The following RABL6 variants were observed in gnomAD, a reference collection of about 807,000 sequenced individuals.
RABL6 encodes the protein rab-like protein 6.
In RABL6, 28 loss-of-function variants were observed where a neutral mutation model predicts 72.9. That is an observed-to-expected ratio of 0.38 (90% CI 0.28 to 0.53). The LOEUF (loss-of-function observed/expected upper bound fraction) is 0.53, where lower values mean the gene tolerates loss of function less well. RABL6 is among the 20% of genes least tolerant of loss of function. RABL6 has a pLI of 0.80. For synonymous variants in RABL6, 477 were observed against 421.2 expected (o/e 1.13, Z -1.62); for missense variants, 1,029 against 1,008.4 (o/e 1.02, Z -0.28).
Position 136,840,370 on chromosome 9 carries a change from G to A in RABL6, c.2038G>A (p.Asp680Asn). 19 of 1,556,444 alleles carry A rather than the reference G, an allele frequency of 1.2e-5. No homozygotes were observed. The highest frequency in any genetic ancestry group is 1.6e-5 in the Non-Finnish European group (18 of 1,150,310). ...GAAGAGCAAACACAAGAAGAGCAAGGACAAGGAGGAGGGCAAGGAGGAGCG... is the reference window on the plus strand; with the variant it reads ...GAAGAGCAAACACAAGAAGAGCAAGAACAAGGAGGAGGGCAAGGAGGAGCG... ...KKKSKHKKSK[D>N]KEEGKEERRR... Residue 680 changes from aspartate to asparagine, a missense_variant, in exon 15 of 15, where the codon GAC becomes AAC. By Grantham distance (23) the Asp-to-Asn change is conservative. Around this residue, in one of 2 missense-constraint regions of RABL6, gnomAD observed 595 missense variants for 472.4 expected, o/e 1.26. Transcript: ENST00000311502.
intron 1 of RABL6, among the ~76,000 whole-genome samples, chr9:136,812,334 C>T (rs925316094): frequency 5.3e-5 from 8 of 151,976 alleles, no homozygotes; most frequent in East Asian, 1.9e-4. Context: ...CTGAGGTGGG[C>T]GGATTACATG....
At chr9:136,834,842 G>A (rs1848556305) in intron 7 of RABL6, among the ~76,000 whole-genome samples, 2 of 150,476 alleles carry the variant, frequency 1.3e-5, no homozygotes, top group East Asian at 2.0e-4. Flanking sequence ...AATCCCAGCT[G>A]TTAGGGAGGC....
intron 1 of RABL6, chr9:136,821,649 C>A: frequency 1.0e-6 from 1 of 988,404 alleles, no homozygotes; most frequent in African/African-American, 1.7e-5. Context: ...CGCCGCGGCC[C>A]GTCTCGGGCC....
intron 1 of RABL6, chr9:136,821,609 G>T (rs1318782301): frequency 4.1e-6 from 4 of 987,324 alleles, no homozygotes; most frequent in Non-Finnish European, 4.8e-6. Context: ...GCCGCGCCCG[G>T]GTTCCTGCCT....
Position 136,837,682 on chromosome 9 carries a change from C to T in RABL6, c.1126+20C>T. 6.4e-7 allele frequency: 1 copy of T among 1,562,908 alleles called. No homozygotes were observed. The highest frequency in any genetic ancestry group is 1.9e-5 in the Admixed American group (1 of 52,718). ...CTCCAGGTAGGCCCTGGAGCTGCCCCTCCCAAACTGGTCCCAGACCCCCAG... is the reference window on the plus strand; with the variant it reads ...CTCCAGGTAGGCCCTGGAGCTGCCCTTCCCAAACTGGTCCCAGACCCCCAG... On this transcript the variant is annotated intron_variant, in intron 9 of 14. Transcript: ENST00000311502.
At chr9:136,811,765 T>G (rs574564771) in intron 1 of RABL6, among the ~76,000 whole-genome samples, 1 of 152,208 alleles carries the variant, frequency 6.6e-6, no homozygotes, top group East Asian at 1.9e-4. Context: ...GTGCTGGGAT[T>G]ACAGGCGTGA....
chr9:136,817,772 A>G (rs1305059516), intron 1 of RABL6, among the ~76,000 whole-genome samples: 1 of 152,104 alleles, frequency 6.6e-6, no homozygotes, highest in Non-Finnish European at 1.5e-5. Context: ...GGATTTCAAA[A>G]AGCAAAGGGG....
intron 8 of RABL6, 135 bp downstream of exon 8, chr9:136,835,980 C>A: frequency 2.4e-6 from 2 of 827,174 alleles, no homozygotes; most frequent in Non-Finnish European, 1.9e-6. Context: ...CCTTTGGGCA[C>A]GGGTGGAGGA....
At chr9:136,811,784 G>A (rs1333924049) in intron 1 of RABL6, among the ~76,000 whole-genome samples, 3 of 152,204 alleles carry the variant, frequency 2.0e-5, no homozygotes, top group East Asian at 1.9e-4. Flanking sequence ...GAGCCACCGC[G>A]CCTGGCCAGA....
intron 5 of RABL6, 91 bp downstream of exon 5, chr9:136,829,575 C>G: frequency 8.6e-7 from 1 of 1,161,700 alleles, no homozygotes; most frequent in Non-Finnish European, 1.3e-6. Flanking sequence ...ATGGTTAGAG[C>G]AGCATCGTTC....
chr9:136,838,384 G>C (rs182007187), intron 10 of RABL6, among the ~76,000 whole-genome samples: 1 of 152,190 alleles, frequency 6.6e-6, no homozygotes, highest in Non-Finnish European at 1.5e-5. Flanking sequence ...AGACAGGGGC[G>C]GCTTCCTGCA....
At chr9:136,817,541 C>T (rs1411155677) in intron 1 of RABL6, among the ~76,000 whole-genome samples, 2 of 147,808 alleles carry the variant, frequency 1.4e-5, no homozygotes, top group South Asian at 2.2e-4. Flanking sequence ...GTGGGGAGGC[C>T]GACGTGGGCT....
Position 136,832,387 on chromosome 9 carries a change from T to G in RABL6, c.705+17T>G. The G allele has an allele frequency of 6.4e-7, 1 of 1,573,902 alleles. No individual in the cohort carries two copies. The highest frequency in any genetic ancestry group is 8.7e-7 in the Non-Finnish European group (1 of 1,143,582). The stretch of plus-strand genomic sequence containing the variant: ...CAGCTTCAGGTAAGCACTCACCACG[T>G]GGGGTGGAGTGGCTGCTGGTCTCTC... On this transcript the variant is annotated intron_variant, in intron 7 of 14. Transcript: ENST00000311502.
intron 5 of RABL6, among the ~76,000 whole-genome samples, chr9:136,830,145 G>A (rs535781847): frequency 2.6e-5 from 4 of 152,378 alleles, no homozygotes; most frequent in South Asian, 4.1e-4. Flanking sequence ...AGCACCAGGA[G>A]CAGCATGCCC....
chr9:136,809,632 T>A (rs1847961324), intron 1 of RABL6: 1 of 158,886 alleles, frequency 6.3e-6, no homozygotes, highest in African/African-American at 2.4e-5. Flanking sequence ...AAAAAAAAAT[T>A]TAAAAGAAAG....
At position 136,823,488 on chromosome 9, in the gene RABL6, T is replaced by C. The variant is rs115051707; in HGVS notation, c.131-37T>C. ...AAAGCTGCAGCTTGGGTTCGGTTCG[T>C]TTAATTTGCCTTTTCTTTTTCTCTT... is the stretch of plus-strand genomic sequence containing the variant. On this transcript the variant is annotated intron_variant, in intron 1 of 14. Transcript: ENST00000311502. 3,913 of 1,610,866 alleles carry C rather than the reference T, an allele frequency of 2.4e-3. 80 individuals carry two copies. In the African/African-American group the frequency reaches 0.045, roughly 19 times the overall value.
At chr9:136,814,053 C>G (rs571259781) in intron 1 of RABL6, 2 of 389,356 alleles carry the variant, frequency 5.1e-6, no homozygotes, top group South Asian at 4.4e-5. Context: ...CAAAGTCTTT[C>G]AAACCAGCGA....
chr9:136,828,617 TC>T (rs1848407580), intron 4 of RABL6, 71 bp downstream of exon 4: 1 of 1,530,506 alleles, frequency 6.5e-7, no homozygotes, highest in Non-Finnish European at 9.0e-7. Context: ...GCCCAGCGCT[TC>T]ACACGCTTTT....
In RABL6 at chr9:136,823,539, CG is replaced by C; in HGVS notation, c.149del (p.Gly50GlufsTer45). ...CCCGTCCCCAGTGAAGATAGTGATC[CG>C]GGGAGACAGGAACACGGGCAAGACA... ...GVQYNMKIVI[R>X]GDRNTGKTAL... On this transcript the variant is annotated frameshift_variant, in exon 2 of 15. Coordinates refer to ENST00000311502, the MANE Select transcript of RABL6 (RefSeq NM_024718.5). LOFTEE classifies it high-confidence loss of function. 1 of 1,613,714 alleles carries C rather than the reference CG, an allele frequency of 6.2e-7. No homozygotes were observed. The highest frequency in any genetic ancestry group is 8.5e-7 in the Non-Finnish European group (1 of 1,179,850).
Sources: gnomAD v4.1 joint callset for allele counts (sites outside exome capture counted in the v4.1 genomes callset) on GRCh38, gnomAD v4.1.1 for gene constraint, gnomAD v4.1.1 regional missense constraint, MANE v1.5 for transcripts, NCBI Gene and HGNC (gene_info 2026-07-23, HGNC 2026-07-21) for gene names.